PPP1R42: variants seen among roughly 807,000 people sequenced by gnomAD.
The protein encoded by PPP1R42 is leucine rich repeat containing 67.
PPP1R42 carries 34 observed loss-of-function variants against 31.0 expected under a neutral mutation model. The observed-to-expected ratio is 1.10, with a 90% CI of 0.83 to 1.46. The LOEUF is 1.46. Ranked by LOEUF, PPP1R42 falls within the 40% of genes most tolerant of loss-of-function variation. PPP1R42 has a pLI of 0.00. For missense variants in PPP1R42, 268 were observed against 303.0 expected (o/e 0.88, Z 0.86); for synonymous variants, 103 against 109.8 (o/e 0.94, Z 0.39).
At chr8:67,022,859 G>C in intron 1 of PPP1R42, among the ~76,000 whole-genome samples, 1 of 151,720 alleles carries the variant, frequency 6.6e-6, no homozygotes, top group East Asian at 1.9e-4. Flanking sequence ...CTCTCTACTT[G>C]GGTTATTCTT....
intron 7 of PPP1R42, among the ~76,000 whole-genome samples, chr8:66,971,881 C>A (rs1183825409): frequency 6.6e-6 from 1 of 152,072 alleles, no homozygotes; most frequent in Non-Finnish European, 1.5e-5. Flanking sequence ...TCCAAATTTA[C>A]AAGGCTATCA....
At chr8:66,971,051 AT>A in intron 7 of PPP1R42, 1 of 1,530,864 alleles carries the variant, frequency 6.5e-7, no homozygotes, top group Non-Finnish European at 8.7e-7. Flanking sequence ...TTTACAGGGT[AT>A]CTCTGTATTT....
intron 1 of PPP1R42, among the ~76,000 whole-genome samples, chr8:67,024,712 C>T (rs1453880550): frequency 2.0e-5 from 3 of 151,870 alleles, no homozygotes; most frequent in African/African-American, 7.3e-5. Flanking sequence ...CTCCAGACCT[C>T]GTGATCCACC....
chr8:67,010,324 C>T (rs55876967), intron 5 of PPP1R42, among the ~76,000 whole-genome samples: 2,966 of 152,210 alleles, frequency 0.019, 55 homozygotes, highest in Non-Finnish European at 0.033. Context: ...TCAAGTACTT[C>T]CCCAAAAAGA....
rs369686234 is a variant in PPP1R42 at position 67,006,953 on chromosome 8, CA to C, written c.552+3761del. Reference sequence around the variant, plus strand: ...AGAGATGGGGTTTCACCATGTTAGCCAGGATGGTCTCGATCTCCTGACCTTG... The same window carrying C: ...AGAGATGGGGTTTCACCATGTTAGCCGGATGGTCTCGATCTCCTGACCTTG... On this transcript the variant is annotated intron_variant, in intron 5 of 7. Coordinates refer to ENST00000685739, the MANE Select transcript of PPP1R42 (RefSeq NM_001364910.1). Among the ~76,000 whole-genome samples, 89 of 151,782 alleles carry C rather than the reference CA, an allele frequency of 5.9e-4. No individual in the cohort carries two copies. In the South Asian group the frequency reaches 0.018, roughly 30 times the overall value.
At chr8:66,995,510 A>AT (rs953749343) in intron 5 of PPP1R42, among the ~76,000 whole-genome samples, 5 of 152,128 alleles carry the variant, frequency 3.3e-5, no homozygotes, top group Non-Finnish European at 7.4e-5. Flanking sequence ...TCTCCAGAAT[A>AT]TTTTTTTGTG....
At chr8:66,988,651 C>A (rs1563419822) in intron 5 of PPP1R42, 134 bp from the exon 6 acceptor site, 2 of 684,404 alleles carry the variant, frequency 2.9e-6, no homozygotes, top group Non-Finnish European at 2.2e-6. Flanking sequence ...TTAGAAGGTG[C>A]ATAATAACTA....
At chr8:66,984,565 G>T in intron 6 of PPP1R42, 1 of 1,216,998 alleles carries the variant, frequency 8.2e-7, no homozygotes, top group Non-Finnish European at 1.2e-6. Flanking sequence ...TGAACTTCTT[G>T]GCTGGGGTGC....
intron 6 of PPP1R42, among the ~76,000 whole-genome samples, chr8:66,987,571 C>T (rs753237668): frequency 1.3e-5 from 2 of 152,098 alleles, no homozygotes; most frequent in Non-Finnish European, 2.9e-5. Context: ...GGAACACAGG[C>T]GTGAGCCACC....
At chr8:66,965,357 G>A (rs1199356500) in intron 7 of PPP1R42, among the ~76,000 whole-genome samples, 2 of 151,620 alleles carry the variant, frequency 1.3e-5, no homozygotes, top group African/African-American at 4.8e-5. Flanking sequence ...GTTTTTGTGA[G>A]TATACGTTTT....
intron 6 of PPP1R42, chr8:66,983,986 G>GA (rs1325691025): frequency 2.6e-6 from 2 of 759,692 alleles, no homozygotes; most frequent in African/African-American, 3.5e-5. Flanking sequence ...GCTGACTGGG[G>GA]AAGGGAGCAA....
intron 7 of PPP1R42, chr8:66,970,879 C>G (rs1307252348): frequency 1.1e-6 from 1 of 885,848 alleles, no homozygotes; most frequent in African/African-American, 1.7e-5. Flanking sequence ...GAACAAAGAA[C>G]TAGGAGACAG....
chr8:66,998,780 G>A (rs191193999), intron 5 of PPP1R42, among the ~76,000 whole-genome samples: 2 of 152,256 alleles, frequency 1.3e-5, no homozygotes, highest in African/African-American at 4.8e-5. Context: ...CATGCATTTT[G>A]TGCATCTATT....
intron 7 of PPP1R42, among the ~76,000 whole-genome samples, chr8:66,980,172 C>T (rs1274418340): frequency 2.6e-5 from 4 of 152,126 alleles, no homozygotes; most frequent in Non-Finnish European, 1.5e-5. Context: ...GTAATATACT[C>T]ATGAGTATAT....
At chr8:67,021,709 T>G (rs1241363009) in intron 1 of PPP1R42, among the ~76,000 whole-genome samples, 1 of 152,160 alleles carries the variant, frequency 6.6e-6, no homozygotes. Flanking sequence ...TTATCTAAAA[T>G]TTAGACTACT....
intron 7 of PPP1R42, among the ~76,000 whole-genome samples, chr8:66,977,581 C>T (rs1306493820): frequency 6.6e-6 from 1 of 152,148 alleles, no homozygotes; most frequent in Non-Finnish European, 1.5e-5. Context: ...TCTTGGCTCA[C>T]TGCAGCCTCC....
intron 1 of PPP1R42, among the ~76,000 whole-genome samples, chr8:67,024,208 T>C (rs1816316147): frequency 6.6e-6 from 1 of 152,200 alleles, no homozygotes; most frequent in African/African-American, 2.4e-5. Flanking sequence ...ATTCATAGTT[T>C]GTAAAGTTTT....
At chr8:67,004,236 A>C (rs976200606) in intron 5 of PPP1R42, among the ~76,000 whole-genome samples, 3 of 152,232 alleles carry the variant, frequency 2.0e-5, no homozygotes, top group Admixed American at 6.5e-5. Context: ...TGAATGCCGC[A>C]AGGCTCTATC....
intron 5 of PPP1R42, among the ~76,000 whole-genome samples, chr8:66,997,152 A>ATT (rs1460862982): frequency 1.2e-4 from 18 of 152,236 alleles, no homozygotes; most frequent in East Asian, 9.7e-4. Flanking sequence ...GACTCTTAAA[A>ATT]ATCAGTTGAC....
Sources: allele counts gnomAD v4.1 joint callset (sites outside exome capture counted in the v4.1 genomes callset), GRCh38; gene constraint gnomAD v4.1.1; transcripts MANE v1.5; gene names NCBI Gene and HGNC (gene_info 2026-07-23, HGNC 2026-07-21).